The following PLPP1 variants were observed in gnomAD, a reference collection of about 807,000 sequenced individuals.
The protein encoded by PLPP1 is lipid phosphate phosphohydrolase 1a.
PLPP1 carries 24 observed loss-of-function variants against 31.2 expected under a neutral mutation model. That is an observed-to-expected ratio of 0.77 (90% CI 0.56 to 1.08). The LOEUF is 1.08. Among genes scored for constraint, PLPP1 ranks in the 50% least tolerant of loss-of-function variants. The pLI is 0.00. For synonymous variants in PLPP1, 146 were observed against 126.3 expected, an observed-to-expected ratio of 1.16 and a Z score of -1.05; for missense variants, 319 against 342.7, an observed-to-expected ratio of 0.93 and a Z score of 0.55.
rs529067608 is a variant in PLPP1 at position 55,458,887 on chromosome 5, C to CAAAAAAAAAAAA, written c.491+8970_491+8981dup. Among the ~76,000 whole-genome samples, 14 of 21,104 alleles carry CAAAAAAAAAAAA rather than the reference C, an allele frequency of 6.6e-4. 1 individual carries two copies. The highest frequency in any genetic ancestry group is 1.3e-3 in the Admixed American group (3 of 2,396). The allele number at this position is 21,104 out of a possible 152,430, so 13.8% of individuals were successfully genotyped here. ...TGGGCAACAGAGGAGACCCTGTCTC[C>CAAAAAAAAAAAA]AAAAAAAAAAAAAAAAAAAAAAAAA... On this transcript the variant is annotated intron_variant, in intron 3 of 5. Transcript: ENST00000307259.
At position 55,480,070 on chromosome 5, in the gene PLPP1, T is replaced by C. The variant is rs191733240; in HGVS notation, c.59-4620A>G. Among the ~76,000 whole-genome samples the C allele has an allele frequency of 4.6e-5, 7 of 152,340 alleles. No individual in the cohort carries two copies. In the East Asian group the frequency reaches 1.4e-3, roughly 29 times the overall value. On this transcript the variant is annotated intron_variant, in intron 1 of 5. Coordinates refer to ENST00000307259, the MANE Select transcript of PLPP1 (RefSeq NM_003711.4). ...GTGTGGAGAAATGCAAACATTTAAA[T>C]AGATACTTGATGTTAACTTTGACAT... is the stretch of plus-strand genomic sequence containing the variant.
At chr5:55,495,400 C>G (rs530956890) in intron 1 of PLPP1, among the ~76,000 whole-genome samples, 43 of 152,218 alleles carry the variant, frequency 2.8e-4, no homozygotes, top group South Asian at 1.7e-3. Flanking sequence ...CTGTGTCTGT[C>G]TTGTTCAGCA....
At chr5:55,530,503 T>C in intron 1 of PLPP1, 1 of 1,191,390 alleles carries the variant, frequency 8.4e-7, no homozygotes, top group Non-Finnish European at 1.3e-6. Context: ...CTCCTATTGC[T>C]GTTCCCTACT....
chr5:55,485,020 C>T (rs942984402), intron 1 of PLPP1: 2 of 152,146 alleles, frequency 1.3e-5, no homozygotes, highest in Non-Finnish European at 2.9e-5. Flanking sequence ...CACCCTGAGA[C>T]TTTGACTGTG....
At chr5:55,426,107 G>C (rs868251182) in intron 4 of PLPP1, 68 bp from the exon 5 acceptor site, 2 of 1,352,960 alleles carry the variant, frequency 1.5e-6, no homozygotes, top group African/African-American at 1.5e-5. Context: ...ATTAAGGAAG[G>C]GTTGGCATTT....
At chr5:55,431,473 GAA>G (rs1751345683) in intron 4 of PLPP1, among the ~76,000 whole-genome samples, 1 of 152,126 alleles carries the variant, frequency 6.6e-6, no homozygotes. Flanking sequence ...GAATAATGAG[GAA>G]CTTGGGAAAT....
At chr5:55,482,482 A>G (rs1350603866) in intron 1 of PLPP1, among the ~76,000 whole-genome samples, 2 of 152,190 alleles carry the variant, frequency 1.3e-5, no homozygotes, top group African/African-American at 2.4e-5. Context: ...CTAAGGTTAC[A>G]ATGGTGAGCA....
chr5:55,425,790 G>A (rs1477592732), intron 5 of PLPP1, 73 bp downstream of exon 5: 2 of 818,504 alleles, frequency 2.4e-6, no homozygotes, highest in South Asian at 4.4e-5. Context: ...GGATTTTTTG[G>A]ATTTTTTTTT....
intron 5 of PLPP1, 50 bp from the exon 6 acceptor site, chr5:55,425,384 C>G (rs770662845): frequency 2.7e-5 from 40 of 1,492,788 alleles, no homozygotes; most frequent in Non-Finnish European, 3.7e-5. Flanking sequence ...TTAAAAACTA[C>G]ATACAAAGTT....
intron 1 of PLPP1, among the ~76,000 whole-genome samples, chr5:55,528,075 A>G (rs934872014): frequency 2.0e-5 from 3 of 152,224 alleles, no homozygotes; most frequent in Admixed American, 2.0e-4. Context: ...AATGATTGTC[A>G]AAAACAGCAA....
At chr5:55,467,151 A>T (rs567700764) in intron 3 of PLPP1, among the ~76,000 whole-genome samples, 11 of 151,960 alleles carry the variant, frequency 7.2e-5, no homozygotes, top group South Asian at 2.1e-4. Flanking sequence ...GTTACCTTAT[A>T]AAAAAAAATC....
At chr5:55,475,972 T>TATG (rs1752540332) in intron 1 of PLPP1, among the ~76,000 whole-genome samples, 1 of 127,290 alleles carries the variant, frequency 7.9e-6, no homozygotes, top group African/African-American at 2.8e-5. Flanking sequence ...AATCTGAACT[T>TATG]AAAGTTTCTT....
intron 1 of PLPP1, among the ~76,000 whole-genome samples, chr5:55,533,666 T>G (rs1361320349): frequency 2.6e-5 from 4 of 152,222 alleles, no homozygotes; most frequent in Admixed American, 2.6e-4. Flanking sequence ...TGAGTAGGAC[T>G]ATCCAAACCT....
intron 3 of PLPP1, among the ~76,000 whole-genome samples, chr5:55,454,556 C>T (rs1751965079): frequency 6.6e-6 from 1 of 152,202 alleles, no homozygotes; most frequent in African/African-American, 2.4e-5. Context: ...TTTTCTTACT[C>T]ACATATTCCC....
At chr5:55,492,390 A>G (rs1222847234) in intron 1 of PLPP1, among the ~76,000 whole-genome samples, 2 of 152,184 alleles carry the variant, frequency 1.3e-5, no homozygotes, top group Non-Finnish European at 2.9e-5. Flanking sequence ...TTGCATGTAA[A>G]GTTAAGAAGA....
intron 3 of PLPP1, among the ~76,000 whole-genome samples, chr5:55,443,192 A>AATATATATATATATATATATATAT (rs1159178740): frequency 3.5e-4 from 9 of 25,440 alleles, no homozygotes; most frequent in East Asian, 7.5e-4. Context: ...AAAAAAAAAA[A>AATATATATATATATATATATATAT]ATATATATAT....
chr5:55,444,084 C>CT (rs11374794), intron 3 of PLPP1, among the ~76,000 whole-genome samples: 8,967 of 140,544 alleles, frequency 0.064, 448 homozygotes, highest in African/African-American at 0.12. Flanking sequence ...AGCCCAAATG[C>CT]TTTTTTTTTT....
chr5:55,503,851 A>G (rs1753200253), intron 1 of PLPP1, among the ~76,000 whole-genome samples: 1 of 68,240 alleles, frequency 1.5e-5, no homozygotes, highest in Non-Finnish European at 2.7e-5. Flanking sequence ...GAGGGGAGAG[A>G]GGAGGGGAGG....
chr5:55,430,820 A>G (rs1751331656), intron 4 of PLPP1, among the ~76,000 whole-genome samples: 1 of 152,228 alleles, frequency 6.6e-6, no homozygotes, highest in Non-Finnish European at 1.5e-5. Context: ...GATACAAGAA[A>G]ACAGCAATCA....
Sources: gnomAD v4.1 joint callset for allele counts (sites outside exome capture counted in the v4.1 genomes callset) on GRCh38, gnomAD v4.1.1 for gene constraint, MANE v1.5 for transcripts, NCBI Gene and HGNC (gene_info 2026-07-23, HGNC 2026-07-21) for gene names.